CD1B: variants seen among roughly 807,000 people sequenced by gnomAD.
The protein encoded by CD1B is CD1b molecule.
A neutral mutation model predicts 39.8 loss-of-function variants in CD1B; 43 were observed. The observed-to-expected ratio is 1.08, with a 90% CI of 0.85 to 1.39. The LOEUF (loss-of-function observed/expected upper bound fraction) is 1.39, where lower values mean the gene tolerates loss of function less well. Ranked by LOEUF, CD1B falls within the 40% of genes most tolerant of loss-of-function variation. The probability of loss-of-function intolerance (pLI) is 0.00; values close to 1 mark genes in which losing one functional copy is unlikely to be tolerated. For synonymous variants in CD1B, 192 were observed against 152.5 expected, an observed-to-expected ratio of 1.26 and a Z score of -1.91; for missense variants, 495 against 403.8, an observed-to-expected ratio of 1.23 and a Z score of -1.94.
At chr1:158,317,094 A>T in the CD1B span, among the ~76,000 whole-genome samples, 1 of 152,016 alleles carries the variant, frequency 6.6e-6, no homozygotes. Context: ...ATCAATGTTC[A>T]TCAAGGATAT....
the CD1B span, among the ~76,000 whole-genome samples, chr1:158,313,723 G>A: frequency 2.0e-5 from 3 of 152,108 alleles, no homozygotes; most frequent in South Asian, 2.1e-4. Flanking sequence ...TTTTTTGGGG[G>A]CAGTTTGAGA....
chr1:158,328,147 C>A lies in CD1B; in HGVS notation c.*89G>T. On this transcript the variant is annotated 3_prime_UTR_variant, in exon 6 of 6. Coordinates refer to ENST00000368168, the MANE Select transcript of CD1B (RefSeq NM_001764.3). ...CTCTGATTTCATCAAATTTGAAAATCATTTGAAATATGATAAGATTGACTT... is the reference window on the plus strand; with the variant it reads ...CTCTGATTTCATCAAATTTGAAAATAATTTGAAATATGATAAGATTGACTT... 6.2e-6 allele frequency: 6 copies of A among 964,942 alleles called. No individual in the cohort carries two copies. Among genetic ancestry groups the A allele is most frequent in the African/African-American group, 1.6e-5 (1 of 60,892 alleles). 59.8% of individuals were successfully genotyped at this position (964,942 alleles called of 1,614,324 possible). A position where few individuals can be genotyped will look rare whatever the true frequency, so the allele number is the denominator to read the frequency against.
At chr1:158,315,850 G>T in the CD1B span, among the ~76,000 whole-genome samples, 2 of 152,014 alleles carry the variant, frequency 1.3e-5, no homozygotes, top group African/African-American at 2.4e-5. Context: ...TGTAAGGAAG[G>T]GATCCAGTTT....
chr1:158,315,554 T>C, the CD1B span, among the ~76,000 whole-genome samples: 7 of 151,978 alleles, frequency 4.6e-5, no homozygotes, highest in East Asian at 1.4e-3. Context: ...ATTCTCGATA[T>C]TAGCCCTTTG....
chr1:158,308,707 G>C, the CD1B span, among the ~76,000 whole-genome samples: 8 of 152,180 alleles, frequency 5.3e-5, no homozygotes, highest in East Asian at 9.7e-4. Flanking sequence ...CTTTGACAAA[G>C]CTGACAAAAA....
chr1:158,292,014 C>A, the CD1B span: 486 of 1,460,422 alleles, frequency 3.3e-4, 3 homozygotes, highest in East Asian at 0.01. Context: ...CCTGATACAG[C>A]CCTAGGTTTT....
At chr1:158,330,746 G>A in intron 2 of CD1B, 50 bp downstream of exon 2, 1 of 1,587,286 alleles carries the variant, frequency 6.3e-7, no homozygotes, top group Non-Finnish European at 8.7e-7. Context: ...GCAAAAAAGA[G>A]AGAAAAGAGA....
chr1:158,305,961 C>T, the CD1B span, among the ~76,000 whole-genome samples: 2 of 152,164 alleles, frequency 1.3e-5, no homozygotes, highest in Admixed American at 1.3e-4. Context: ...CAAGTGGTAC[C>T]AGCCACTGCA....
chr1:158,322,756 C>T, the CD1B span, among the ~76,000 whole-genome samples: 1 of 152,104 alleles, frequency 6.6e-6, no homozygotes, highest in Non-Finnish European at 1.5e-5. Context: ...TTCTGAAGGA[C>T]ATATTTGCCA....
the CD1B span, among the ~76,000 whole-genome samples, chr1:158,288,060 A>T: frequency 6.6e-6 from 1 of 152,356 alleles, no homozygotes; most frequent in African/African-American, 2.4e-5. Flanking sequence ...ATGGAAAAAA[A>T]TGTGAATAAA....
At chr1:158,304,021 G>A in the CD1B span, among the ~76,000 whole-genome samples, 3 of 152,230 alleles carry the variant, frequency 2.0e-5, no homozygotes, top group South Asian at 6.2e-4. Context: ...GAGCGACACA[G>A]AAGACGGGTG....
At chr1:158,304,714 C>A in the CD1B span, among the ~76,000 whole-genome samples, 3 of 152,170 alleles carry the variant, frequency 2.0e-5, no homozygotes, top group South Asian at 2.1e-4. Context: ...ACACCTCACA[C>A]GGCAGGGTAC....
intron 2 of CD1B, 41 bp from the exon 3 acceptor site, chr1:158,330,171 A>G (rs565267827): frequency 3.3e-6 from 5 of 1,534,114 alleles, no homozygotes; most frequent in Middle Eastern, 1.8e-4. Context: ...AAACACAAAT[A>G]AGAAAAAAAG....
chr1:158,288,459 A>G, the CD1B span, among the ~76,000 whole-genome samples: 1 of 152,226 alleles, frequency 6.6e-6, no homozygotes, highest in African/African-American at 2.4e-5. Flanking sequence ...TGACATGAAC[A>G]TGGCTCACTA....
chr1:158,285,657 A>T, the CD1B span, among the ~76,000 whole-genome samples: 33 of 152,226 alleles, frequency 2.2e-4, no homozygotes, highest in Non-Finnish European at 3.8e-4. Flanking sequence ...TTGAAATGGA[A>T]CTAGAAAATA....
the CD1B span, among the ~76,000 whole-genome samples, chr1:158,307,189 C>G: frequency 8.5e-5 from 13 of 152,120 alleles, no homozygotes; most frequent in Admixed American, 8.5e-4. Flanking sequence ...GCTAGCAAGA[C>G]TAATACAGAA....
At chr1:158,309,222 C>A in the CD1B span, among the ~76,000 whole-genome samples, 5 of 152,138 alleles carry the variant, frequency 3.3e-5, no homozygotes, top group Admixed American at 2.6e-4. Context: ...CCAAAGGACA[C>A]ATGAAAAAAC....
the CD1B span, among the ~76,000 whole-genome samples, chr1:158,306,293 A>C: frequency 6.6e-6 from 1 of 152,224 alleles, no homozygotes; most frequent in Non-Finnish European, 1.5e-5. Context: ...GTCTCTGATA[A>C]AACAGACTTT....
chr1:158,321,140 C>T, the CD1B span, among the ~76,000 whole-genome samples: 1 of 152,176 alleles, frequency 6.6e-6, no homozygotes, highest in Non-Finnish European at 1.5e-5. Context: ...TACGCTATAT[C>T]TCCCTGTAGG....
Sources: gnomAD v4.1 joint callset for allele counts (sites outside exome capture counted in the v4.1 genomes callset) on GRCh38, gnomAD v4.1.1 for gene constraint, MANE v1.5 for transcripts, NCBI Gene and HGNC (gene_info 2026-07-23, HGNC 2026-07-21) for gene names.